Variants in EPHB2 observed in about 807,000 individuals in gnomAD.
EPHB2 encodes the protein EPH receptor B2, also known as ephrin type-B receptor 2.
A neutral mutation model predicts 96.4 loss-of-function variants in EPHB2; 18 were observed. That is an observed-to-expected ratio of 0.19 (90% CI 0.13 to 0.28). EPHB2 has a LOEUF of 0.28. Among genes scored for constraint, EPHB2 ranks in the 10% least tolerant of loss-of-function variants. The probability of loss-of-function intolerance (pLI) is 1.00; values close to 1 mark genes in which losing one functional copy is unlikely to be tolerated. For synonymous variants in EPHB2, 506 were observed against 534.1 expected (o/e 0.95, Z 0.72); for missense variants, 989 against 1,355.4 (o/e 0.73, Z 4.25).
In EPHB2 at chr1:22,895,417, G is replaced by A. The variant is rs573177553; in HGVS notation, c.1592-55G>A. 29 of 1,543,668 alleles carry A rather than the reference G, an allele frequency of 1.9e-5. 1 individual carries two copies. Among genetic ancestry groups the A allele is most frequent in the Admixed American group, 1.0e-4 (6 of 59,894 alleles). On this transcript the variant is annotated intron_variant, in intron 7 of 15. Coordinates refer to ENST00000374630, the MANE Select transcript of EPHB2 (RefSeq NM_017449.5). ...AGCATGGCAGGGGGTAGGGGACAAG[G>A]GTATTACGACTCCCACAGCCAGGCT...
intron 3 of EPHB2, among the ~76,000 whole-genome samples, chr1:22,839,989 A>G (rs752742077): frequency 9.2e-5 from 14 of 152,180 alleles, no homozygotes; most frequent in Non-Finnish European, 1.8e-4. Flanking sequence ...CTCATTTGTT[A>G]CTAGCTGGGA....
rs1452319280 is a variant in EPHB2 at position 22,790,884 on chromosome 1, T to C, written c.811+5808T>C. ...CTCCCCAGTTCCCAGCTGCTGGGTT[T>C]CTCCTCCCAGCCTCTCCCTCTTGTC... On this transcript the variant is annotated intron_variant, in intron 3 of 15. Coordinates refer to ENST00000374630, the MANE Select transcript of EPHB2 (RefSeq NM_017449.5). The surrounding 1 kb of genome is among the most constrained non-coding windows in gnomAD (Gnocchi z 4.0). Among the ~76,000 whole-genome samples, 1 of 152,166 alleles carries C rather than the reference T, an allele frequency of 6.6e-6. No individual in the cohort carries two copies. The highest frequency in any genetic ancestry group is 1.5e-5 in the Non-Finnish European group (1 of 68,038).
intron 3 of EPHB2, among the ~76,000 whole-genome samples, chr1:22,853,521 C>T (rs1184873703): frequency 1.3e-5 from 2 of 152,238 alleles, no homozygotes; most frequent in Non-Finnish European, 2.9e-5. Flanking sequence ...CACAGAAGAG[C>T]ACCCCCAGAC....
intron 3 of EPHB2, among the ~76,000 whole-genome samples, chr1:22,810,420 C>T (rs537095619): frequency 1.3e-5 from 2 of 152,186 alleles, no homozygotes; most frequent in Non-Finnish European, 2.9e-5. Context: ...AGGAGCTTCA[C>T]ATCCACCTGT....
At chr1:22,891,118 C>T in intron 6 of EPHB2, 1 of 455,966 alleles carries the variant, frequency 2.2e-6, no homozygotes, top group Non-Finnish European at 4.4e-6. Flanking sequence ...GTTACTATCC[C>T]CCTTTTACAG....
rs34477804 is a variant in EPHB2, at chr1:22,800,991, G to GCA, written c.811+15924_811+15925dup. ...CCCATCTCCTCCACCGGTTGTGCCT[G>GCA]CACACACACATATACCCACAGGACC... On this transcript the variant is annotated intron_variant, in intron 3 of 15. Coordinates refer to ENST00000374630, the MANE Select transcript of EPHB2 (RefSeq NM_017449.5). Among the ~76,000 whole-genome samples the GCA allele has an allele frequency of 4.7e-3, 710 of 152,326 alleles. 2 individuals are homozygous for GCA. Among genetic ancestry groups the GCA allele is most frequent in the Non-Finnish European group, 8.1e-3 (553 of 68,020 alleles).
chr1:22,766,925 C>T (rs1449852496), intron 1 of EPHB2, among the ~76,000 whole-genome samples: 1 of 152,230 alleles, frequency 6.6e-6, no homozygotes, highest in Non-Finnish European at 1.5e-5. Flanking sequence ...GGCACTGGGC[C>T]CAGCTGTGGC....
chr1:22,774,154 T>C (rs1286669934), intron 1 of EPHB2, among the ~76,000 whole-genome samples: 1 of 152,166 alleles, frequency 6.6e-6, no homozygotes, highest in Non-Finnish European at 1.5e-5. Context: ...CCACCTCCTC[T>C]GAGATGCCTT....
intron 3 of EPHB2, among the ~76,000 whole-genome samples, chr1:22,818,226 C>T (rs187929088): frequency 2.6e-5 from 4 of 152,146 alleles, no homozygotes; most frequent in African/African-American, 7.2e-5. Context: ...GCCAGCCCCC[C>T]ACGACCTCTT....
chr1:22,735,262 A>AC (rs1407917126), intron 1 of EPHB2, among the ~76,000 whole-genome samples: 1 of 151,794 alleles, frequency 6.6e-6, no homozygotes, highest in African/African-American at 2.4e-5. Flanking sequence ...ACACAGTGTG[A>AC]CCCCATCTCT....
intron 3 of EPHB2, chr1:22,836,035 T>C (rs1645377589): frequency 6.6e-6 from 1 of 151,308 alleles, no homozygotes; most frequent in South Asian, 2.1e-4. Context: ...CAGAGAAAGG[T>C]CTTATGAATT....
At chr1:22,829,979 AG>A (rs934410503) in intron 3 of EPHB2, among the ~76,000 whole-genome samples, 4 of 152,216 alleles carry the variant, frequency 2.6e-5, no homozygotes, top group Admixed American at 6.5e-5. Flanking sequence ...GAGGCTTTTG[AG>A]TGCCAGGCTA....
chr1:22,792,235 AG>A (rs1182627204), intron 3 of EPHB2, among the ~76,000 whole-genome samples: 1 of 151,148 alleles, frequency 6.6e-6, no homozygotes, highest in African/African-American at 2.4e-5. Flanking sequence ...TCTGGGAGGG[AG>A]GCCGCCAGCT....
intron 5 of EPHB2, among the ~76,000 whole-genome samples, chr1:22,867,035 G>A (rs886362553): frequency 2.0e-5 from 3 of 152,158 alleles, no homozygotes; most frequent in Non-Finnish European, 2.9e-5. Flanking sequence ...TGAGAAGGAA[G>A]CATCCATGTC....
chr1:22,908,452 C>A (rs1180300839), intron 12 of EPHB2, among the ~76,000 whole-genome samples: 1 of 152,162 alleles, frequency 6.6e-6, no homozygotes, highest in African/African-American at 2.4e-5. Context: ...GAGCTGAGAG[C>A]AGAAGGGCCC....
intron 1 of EPHB2, among the ~76,000 whole-genome samples, chr1:22,724,815 G>A (rs887249293): frequency 6.6e-6 from 1 of 152,170 alleles, no homozygotes. Context: ...CTGGGGACTG[G>A]CCCAGGGATC....
intron 1 of EPHB2, among the ~76,000 whole-genome samples, chr1:22,778,025 T>TG (rs3971878): frequency 2.0e-5 from 3 of 151,956 alleles, no homozygotes; most frequent in Admixed American, 6.6e-5. Flanking sequence ...TTTGTTTGTT[T>TG]TGTTTTGTTT....
At chr1:22,876,550 T>C (rs1316729595) in intron 5 of EPHB2, among the ~76,000 whole-genome samples, 1 of 152,140 alleles carries the variant, frequency 6.6e-6, no homozygotes, top group Non-Finnish European at 1.5e-5. Context: ...GGCCTCCCCC[T>C]GCCCCTCTCG....
At chr1:22,881,952 T>A (rs780856214) in intron 5 of EPHB2, among the ~76,000 whole-genome samples, 21 of 152,124 alleles carry the variant, frequency 1.4e-4, no homozygotes, top group Non-Finnish European at 2.8e-4. Flanking sequence ...TGACTGCTTG[T>A]CTCTTCATCT....
Sources: allele counts gnomAD v4.1 joint callset (sites outside exome capture counted in the v4.1 genomes callset), GRCh38; gene constraint gnomAD v4.1.1; non-coding constraint Gnocchi (gnomAD v3.1); transcripts MANE v1.5; gene names NCBI Gene and HGNC (gene_info 2026-07-23, HGNC 2026-07-21).